Variants in MYCBP2 observed in about 807,000 individuals in gnomAD.
The protein encoded by MYCBP2 is E3 ubiquitin-protein ligase MYCBP2.
In MYCBP2, 120 loss-of-function variants were observed where a neutral mutation model predicts 525.3. The ratio of observed to expected loss-of-function variants is 0.23; its 90% CI spans 0.20 to 0.27. MYCBP2 has a LOEUF of 0.27. Ranked by LOEUF, MYCBP2 falls within the 10% of genes least tolerant of loss-of-function variation. The pLI is 1.00. For synonymous variants in MYCBP2, 1,894 were observed against 1,955.8 expected (o/e 0.97, Z 0.83); for missense variants, 4,149 against 5,657.1 (o/e 0.73, Z 8.55).
At chr13:77,200,237 T>G (rs1403768933) in intron 26 of MYCBP2, among the ~76,000 whole-genome samples, 1 of 151,832 alleles carries the variant, frequency 6.6e-6, no homozygotes, top group African/African-American at 2.4e-5. Flanking sequence ...GAGAACTACG[T>G]GAAGAATGCA....
chr13:77,316,377 C>T (rs2080938016), intron 1 of MYCBP2, among the ~76,000 whole-genome samples: 1 of 152,218 alleles, frequency 6.6e-6, no homozygotes, highest in South Asian at 2.1e-4. Context: ...AATGATCCAT[C>T]ACCTAGGGCC....
intron 55 of MYCBP2, chr13:77,118,637 G>C (rs1025813156): frequency 3.6e-6 from 2 of 558,628 alleles, no homozygotes; most frequent in Non-Finnish European, 6.4e-6. Flanking sequence ...GAAAATTGGT[G>C]ACTGTTAATC....
chr13:77,077,277 T>C lies in MYCBP2; in HGVS notation c.11595A>G (p.Arg3865=). Residue 3865 remains arginine, a synonymous_variant, in exon 67 of 83, where the codon CGA becomes CGG. Transcript: ENST00000544440. ...CTTTCCAGCCCAGGACTTTGACTTGTCGAACTCTCAGTGTATTTTCTGGGC... is the reference window on the plus strand; with the variant it reads ...CTTTCCAGCCCAGGACTTTGACTTGCCGAACTCTCAGTGTATTTTCTGGGC... ...LKGPENTLRV[R]QVKVLGWKDG... is the part of the protein sequence containing the mutation. The C allele has an allele frequency of 6.2e-7, 1 of 1,614,072 alleles. No homozygotes were observed.
Position 77,150,842 on chromosome 13 carries a change from A to C in MYCBP2, c.7023T>G (p.Ser2341=). The C allele has an allele frequency of 6.2e-7, 1 of 1,614,134 alleles. No homozygotes were observed. ...CTCCATAAGTCATGTCAGTATTAGAAGATGCAGCTGTTACTGCAGGACTGC... is the reference window on the plus strand; with the variant it reads ...CTCCATAAGTCATGTCAGTATTAGACGATGCAGCTGTTACTGCAGGACTGC... ...IPGSPAVTAA[S]SNTDMTYGGL... The change falls in exon 47 of 83, where the codon TCT becomes TCG. Residue 2341 remains serine (S), a synonymous_variant. Coordinates refer to ENST00000544440, the MANE Select transcript of MYCBP2 (RefSeq NM_015057.5).
At chr13:77,197,397 G>A (rs1288182316) in intron 26 of MYCBP2, among the ~76,000 whole-genome samples, 1 of 152,186 alleles carries the variant, frequency 6.6e-6, no homozygotes, top group African/African-American at 2.4e-5. Context: ...TCCGGCCTAT[G>A]TATCAAGCAT....
intron 30 of MYCBP2, 78 bp from the exon 31 acceptor site, chr13:77,186,141 T>C (rs2060692211): frequency 1.2e-5 from 13 of 1,054,636 alleles, no homozygotes; most frequent in South Asian, 2.6e-5. Flanking sequence ...AAGGCAATGG[T>C]AGACAACTTC....
At chr13:77,049,415 A>G (rs2036262113) in intron 82 of MYCBP2, among the ~76,000 whole-genome samples, 1 of 152,148 alleles carries the variant, frequency 6.6e-6, no homozygotes, top group Non-Finnish European at 1.5e-5. Flanking sequence ...TGGATAGTAT[A>G]TGTTTCACAT....
chr13:77,209,244 T>C (rs1313971433), intron 23 of MYCBP2, among the ~76,000 whole-genome samples: 1 of 152,242 alleles, frequency 6.6e-6, no homozygotes, highest in Non-Finnish European at 1.5e-5. Flanking sequence ...CTGAACATCA[T>C]ACTTGAGAGT....
chr13:77,278,707 A>C, intron 4 of MYCBP2, 51 bp downstream of exon 4: 1 of 1,398,422 alleles, frequency 7.2e-7, no homozygotes, highest in African/African-American at 1.5e-5. Flanking sequence ...ATACTCTATT[A>C]TTAATTATAT....
intron 58 of MYCBP2, among the ~76,000 whole-genome samples, chr13:77,094,044 C>T (rs1445578088): frequency 2.0e-5 from 3 of 152,134 alleles, no homozygotes; most frequent in Admixed American, 6.6e-5. Context: ...TGTATTTTGG[C>T]ATACTGATGA....
chr13:77,316,150 G>C (rs924030437), intron 1 of MYCBP2, among the ~76,000 whole-genome samples: 1 of 152,042 alleles, frequency 6.6e-6, no homozygotes, highest in East Asian at 1.9e-4. Context: ...AAGACAATAT[G>C]ATTATTTACA....
chr13:77,201,829 T>C (rs1274175049), intron 26 of MYCBP2, among the ~76,000 whole-genome samples: 2 of 152,218 alleles, frequency 1.3e-5, no homozygotes, highest in East Asian at 3.9e-4. Flanking sequence ...GAAATAAAGA[T>C]GTTCTTTGAA....
Position 77,206,692 on chromosome 13 carries a change from C to A in MYCBP2, c.3550G>T (p.Ala1184Ser). Residue 1184 changes from alanine to serine, a missense_variant, in exon 24 of 83, where the codon GCC becomes TCC. Ala to Ser is a moderately conservative substitution (Grantham distance 99, BLOSUM62 1). Around this residue, in one of 21 missense-constraint regions of MYCBP2, gnomAD observed 620 missense variants for 795.5 expected, o/e 0.78. Transcript: ENST00000544440. Reference sequence around the variant, plus strand: ...GCTGCATGAGATCGGGTAGTGAGGGCCCTTGATCCTGTTGGTAAGGCAAGT... The same window carrying A: ...GCTGCATGAGATCGGGTAGTGAGGGACCTTGATCCTGTTGGTAAGGCAAGT... ...PELALPTGSRALTTRSHAALH... is the reference protein window; with the variant it reads ...PELALPTGSRSLTTRSHAALH... The A allele has an allele frequency of 6.2e-7, 1 of 1,609,136 alleles. No individual in the cohort carries two copies. Among genetic ancestry groups the A allele is most frequent in the Non-Finnish European group, 8.5e-7 (1 of 1,177,438 alleles).
intron 2 of MYCBP2, among the ~76,000 whole-genome samples, chr13:77,291,837 A>C (rs2077513101): frequency 6.6e-6 from 1 of 151,786 alleles, no homozygotes; most frequent in Non-Finnish European, 1.5e-5. Flanking sequence ...TTAACGCTGC[A>C]GGCATGATTG....
chr13:77,291,204 T>TAGACAAAGACAAAGACAAAG (rs1241620923), intron 2 of MYCBP2, among the ~76,000 whole-genome samples: 2 of 152,020 alleles, frequency 1.3e-5, no homozygotes, highest in East Asian at 3.9e-4. Context: ...AGAAGACAAT[T>TAGACAAAGACAAAGACAAAG]ACAAAAATAA....
chr13:77,170,439 T>A (rs1407269063), intron 38 of MYCBP2, among the ~76,000 whole-genome samples: 1 of 152,218 alleles, frequency 6.6e-6, no homozygotes, highest in Non-Finnish European at 1.5e-5. Context: ...GCACACTTAT[T>A]TAAAAAATAG....
At position 77,061,707 on chromosome 13, in the gene MYCBP2, G is replaced by A. The variant is rs767880319; in HGVS notation, c.12858C>T (p.Asp4286=). 6.2e-7 allele frequency: 1 copy of A among 1,612,312 alleles called. No individual in the cohort carries two copies. Among genetic ancestry groups the A allele is most frequent in the Admixed American group, 1.7e-5 (1 of 59,864 alleles). Residue 4286 remains aspartate (D), a synonymous_variant, in exon 75 of 83, where the codon GAC becomes GAT. Transcript: ENST00000544440. ...TTCTTCGATGAAGGTGAAGGAATCT[G>A]TCACAGTCTGTACATAAATTTCCAC... is the stretch of plus-strand genomic sequence containing the variant. ...NVCGNLCTDC[D]RFLHLHRRTK...
At chr13:77,246,548 G>GAGGAGGAGC (rs2070019306) in intron 15 of MYCBP2, among the ~76,000 whole-genome samples, 1 of 150,494 alleles carries the variant, frequency 6.6e-6, no homozygotes, top group African/African-American at 2.4e-5. Flanking sequence ...GAAGGAGGAG[G>GAGGAGGAGC]AGGAGGAGCA....
chr13:77,045,462 T>C lies in MYCBP2; in HGVS notation c.13953A>G (p.Glu4651=), dbSNP rs1169452857. 3 of 1,614,026 alleles carry C rather than the reference T, an allele frequency of 1.9e-6. No homozygotes were observed. The African/African-American group carries it at 4.0e-5, about 22-fold the overall frequency. ...GTGGATGAACAACATGGAGTGGACA[T>C]TCAGTTCCTTCTAACTGCTTGCCTT... is the stretch of plus-strand genomic sequence containing the variant. ...GPKGKQLEGT[E]CPLHVVHPPT... Residue 4651 remains glutamate, a synonymous_variant, in exon 83 of 83, where the codon GAA becomes GAG. Coordinates refer to ENST00000544440, the MANE Select transcript of MYCBP2 (RefSeq NM_015057.5).
Sources: allele counts gnomAD v4.1 joint callset (sites outside exome capture counted in the v4.1 genomes callset), GRCh38; gene constraint gnomAD v4.1.1; regional missense constraint gnomAD v4.1.1; transcripts MANE v1.5; gene names NCBI Gene and HGNC (gene_info 2026-07-23, HGNC 2026-07-21).